ACTN1: variants seen among roughly 807,000 people sequenced by gnomAD.
ACTN1 encodes alpha-actinin-1.
Under a neutral mutation model 119.6 loss-of-function variants are expected in ACTN1, and 30 were observed. That is an observed-to-expected ratio of 0.25 (90% CI 0.19 to 0.34). The LOEUF (loss-of-function observed/expected upper bound fraction) is 0.34, where lower values mean the gene tolerates loss of function less well. Among genes scored for constraint, ACTN1 ranks in the 10% least tolerant of loss-of-function variants. ACTN1 has a pLI of 1.00. For synonymous variants in ACTN1, 429 were observed against 472.6 expected (o/e 0.91, Z 1.20); for missense variants, 764 against 1,223.4 (o/e 0.62, Z 5.60).
intron 6 of ACTN1, among the ~76,000 whole-genome samples, chr14:68,907,542 C>A (rs1453353554): frequency 6.6e-6 from 1 of 152,062 alleles, no homozygotes; most frequent in Non-Finnish European, 1.5e-5. Flanking sequence ...CCAGCCTGGG[C>A]AACAATAGTG....
At chr14:68,893,589 G>A (rs941047332) in intron 9 of ACTN1, 66 bp downstream of exon 9, 3 of 1,445,976 alleles carry the variant, frequency 2.1e-6, no homozygotes, top group South Asian at 2.3e-5. Context: ...GGAAAGACTT[G>A]GAGGTACACG....
rs143657690 is a variant in ACTN1, at chr14:68,887,888, G to T, written c.1234+2251C>A. 3.4e-5 allele frequency: 29 copies of T among 845,962 alleles called. 2 individuals carry two copies. The East Asian group carries it at 7.1e-4, about 21-fold the overall frequency. The allele number at this position is 845,962 out of a possible 1,614,324, so 52.4% of individuals were successfully genotyped here. ...AGGTAAATCTTTAGTTTCTTAGTTA[G>T]CCACTTCGGCCTGTTTTCCCTTTGC... On this transcript the variant is annotated intron_variant, in intron 11 of 21. Transcript: ENST00000394419.
chr14:68,901,217 G>GTT (rs369274446), intron 8 of ACTN1, among the ~76,000 whole-genome samples: 8 of 121,742 alleles, frequency 6.6e-5, no homozygotes, highest in South Asian at 5.3e-4. Context: ...GTTTTTTTTT[G>GTT]TTTTTTTTTT....
rs1166684918 is a variant in ACTN1, at chr14:68,882,250, A to G, written c.1953+208T>C. Reference sequence around the variant, plus strand: ...CAGGCAGCTTCTTAGTGGTGTCCTCATATGTCTTTGCTCCCAAATCAGATA... The same window carrying G: ...CAGGCAGCTTCTTAGTGGTGTCCTCGTATGTCTTTGCTCCCAAATCAGATA... On this transcript the variant is annotated intron_variant, in intron 16 of 21. Transcript: ENST00000394419. This position sits in a 1 kb window ranked among gnomAD's most constrained non-coding sequence, Gnocchi z 4.5. Among the ~76,000 whole-genome samples the G allele has an allele frequency of 3.9e-5, 6 of 152,224 alleles. No individual in the cohort carries two copies. In the East Asian group the frequency reaches 7.7e-4, roughly 20 times the overall value.
At chr14:68,924,182 G>A (rs2034796265) in intron 2 of ACTN1, among the ~76,000 whole-genome samples, 1 of 152,208 alleles carries the variant, frequency 6.6e-6, no homozygotes, top group Admixed American at 6.5e-5. Flanking sequence ...AGCCCTGAAG[G>A]TGGACGGTGG....
At chr14:68,946,367 G>A (rs907050134) in intron 1 of ACTN1, among the ~76,000 whole-genome samples, 3 of 152,164 alleles carry the variant, frequency 2.0e-5, no homozygotes, top group Non-Finnish European at 2.9e-5. Flanking sequence ...AAGGCAGTGG[G>A]ACCCCAGTTC....
At chr14:68,916,631 C>T (rs138280970) in intron 3 of ACTN1, among the ~76,000 whole-genome samples, 195 of 152,290 alleles carry the variant, frequency 1.3e-3, no homozygotes, top group Non-Finnish European at 9.7e-4. Flanking sequence ...GGCTTCTCAA[C>T]GTTTGCAGCA....
chr14:68,962,578 T>C (rs1415947850), intron 1 of ACTN1, among the ~76,000 whole-genome samples: 1 of 152,176 alleles, frequency 6.6e-6, no homozygotes, highest in African/African-American at 2.4e-5. Context: ...CTGAGACTAC[T>C]TCAACACATT....
chr14:68,959,484 T>C (rs141673298), intron 1 of ACTN1, among the ~76,000 whole-genome samples: 58 of 152,356 alleles, frequency 3.8e-4, no homozygotes, highest in African/African-American at 1.3e-3. Context: ...TATACTTTCT[T>C]TTACTAAGAA....
intron 4 of ACTN1, 24 bp from the exon 5 acceptor site, chr14:68,910,066 G>A (rs371907912): frequency 2.4e-5 from 39 of 1,600,084 alleles, no homozygotes; most frequent in East Asian, 1.1e-4. Flanking sequence ...GATGGGCAGC[G>A]AGGTCAGAGG....
chr14:68,882,845 A>G lies in ACTN1; in HGVS notation c.1818+28T>C. The G allele has an allele frequency of 6.2e-7, 1 of 1,600,170 alleles. No individual in the cohort carries two copies. Among genetic ancestry groups the G allele is most frequent in the Non-Finnish European group, 8.5e-7 (1 of 1,169,934 alleles). On this transcript the variant is annotated intron_variant, in intron 15 of 21. Transcript: ENST00000394419. This position sits in a 1 kb window ranked among gnomAD's most constrained non-coding sequence, Gnocchi z 4.5. ...AATCCCTGCCTTTATGAAACTTACA[A>G]TGGCTCGGCCCATGCCCTTCAACTC...
At chr14:68,904,779 C>T in intron 6 of ACTN1, 43 bp from the exon 7 acceptor site, 2 of 1,555,278 alleles carry the variant, frequency 1.3e-6, no homozygotes, top group Non-Finnish European at 1.8e-6. Flanking sequence ...GTGAGAGCCA[C>T]CACAAGTCAC....
intron 1 of ACTN1, among the ~76,000 whole-genome samples, chr14:68,944,369 C>G (rs549452012): frequency 6.6e-6 from 1 of 152,340 alleles, no homozygotes; most frequent in South Asian, 2.1e-4. Context: ...ACTGCAGATT[C>G]TACAGACTCG....
intron 1 of ACTN1, among the ~76,000 whole-genome samples, chr14:68,969,799 C>A (rs1809228910): frequency 6.6e-6 from 1 of 152,162 alleles, no homozygotes; most frequent in South Asian, 2.1e-4. Context: ...CGTTGGACAT[C>A]TCCACATCAG....
chr14:68,978,899 C>G (rs1025828589), intron 1 of ACTN1, 53 bp downstream of exon 1: 1 of 1,113,356 alleles, frequency 9.0e-7, no homozygotes, highest in Non-Finnish European at 1.3e-6. Flanking sequence ...CAGAGCGGGT[C>G]GGGGCTGGGG....
At chr14:68,964,909 GC>G (rs2036656950) in intron 1 of ACTN1, among the ~76,000 whole-genome samples, 1 of 152,122 alleles carries the variant, frequency 6.6e-6, no homozygotes, top group African/African-American at 2.4e-5. Context: ...GAGTGTAAGG[GC>G]CCGCATGTGG....
At chr14:68,887,784 A>G in intron 11 of ACTN1, 1 of 1,032,736 alleles carries the variant, frequency 9.7e-7, no homozygotes, top group Middle Eastern at 2.1e-4. Context: ...GGTATATGGT[A>G]TTAATCAGAC....
chr14:68,878,325 T>C lies in ACTN1; in HGVS notation c.2427+133A>G, dbSNP rs1442327468. The C allele has an allele frequency of 7.6e-7, 1 of 1,319,618 alleles. No individual in the cohort carries two copies. The highest frequency in any genetic ancestry group is 1.0e-6 in the Non-Finnish European group (1 of 991,324). 81.7% of individuals were successfully genotyped at this position (1,319,618 alleles called of 1,614,324 possible). ...CAGGGAGCCATCTTCCCCAAGGACA[T>C]GGGCCCTGGGGCTCCTCCAGGGAGG... On this transcript the variant is annotated intron_variant, in intron 20 of 21. Transcript: ENST00000394419. The surrounding 1 kb of genome is among the most constrained non-coding windows in gnomAD (Gnocchi z 4.4).
At chr14:68,912,575 C>T (rs1475561595) in intron 3 of ACTN1, among the ~76,000 whole-genome samples, 15 of 152,108 alleles carry the variant, frequency 9.9e-5, no homozygotes, top group Admixed American at 2.0e-4. Flanking sequence ...CAGGGTCTTA[C>T]GATATTGCCC....
Sources: allele counts gnomAD v4.1 joint callset (sites outside exome capture counted in the v4.1 genomes callset), GRCh38; gene constraint gnomAD v4.1.1; non-coding constraint Gnocchi (gnomAD v3.1); transcripts MANE v1.5; gene names NCBI Gene and HGNC (gene_info 2026-07-23, HGNC 2026-07-21).